Variants in RAB5A observed in about 807,000 individuals in gnomAD.
The protein encoded by RAB5A is ras-related protein Rab-5A.
RAB5A carries 8 observed loss-of-function variants against 25.7 expected under a neutral mutation model. The ratio of observed to expected loss-of-function variants is 0.31; its 90% CI spans 0.18 to 0.56. The LOEUF (loss-of-function observed/expected upper bound fraction) is 0.56. RAB5A is among the 20% of genes least tolerant of loss of function. RAB5A has a pLI of 0.91. For synonymous variants in RAB5A, 98 were observed against 89.8 expected, an observed-to-expected ratio of 1.09 and a Z score of -0.52; for missense variants, 192 against 259.7, an observed-to-expected ratio of 0.74 and a Z score of 1.79.
At chr3:19,969,324 G>A (rs1157035583) in intron 2 of RAB5A, among the ~76,000 whole-genome samples, 4 of 151,976 alleles carry the variant, frequency 2.6e-5, no homozygotes, top group Non-Finnish European at 4.4e-5. Context: ...GATTACAGGC[G>A]TGAGCCACCA....
At chr3:19,957,353 TC>T (rs1696518303) in intron 2 of RAB5A, among the ~76,000 whole-genome samples, 1 of 152,074 alleles carries the variant, frequency 6.6e-6, no homozygotes, top group African/African-American at 2.4e-5. Context: ...ACTGCTAAAT[TC>T]TTAAATGTCC....
intron 2 of RAB5A, among the ~76,000 whole-genome samples, chr3:19,955,883 C>A (rs181183311): frequency 1.3e-5 from 2 of 151,970 alleles, no homozygotes; most frequent in East Asian, 3.9e-4. Flanking sequence ...GGTGTCTCAG[C>A]GAGACTCCGT....
At chr3:19,954,690 C>G (rs1359902088) in intron 2 of RAB5A, among the ~76,000 whole-genome samples, 2 of 152,082 alleles carry the variant, frequency 1.3e-5, no homozygotes, top group African/African-American at 4.8e-5. Flanking sequence ...TGGTGGCACA[C>G]ACCTGTAGTC....
chr3:19,977,211 T>C (rs943799638), intron 4 of RAB5A, among the ~76,000 whole-genome samples: 3 of 152,136 alleles, frequency 2.0e-5, no homozygotes, highest in Non-Finnish European at 4.4e-5. Flanking sequence ...TAGCTGGGAC[T>C]ACAGGCGCCC....
chr3:19,952,450 T>G (rs1696437866), intron 2 of RAB5A, among the ~76,000 whole-genome samples: 1 of 152,232 alleles, frequency 6.6e-6, no homozygotes, highest in Non-Finnish European at 1.5e-5. Flanking sequence ...CCAACTGGCA[T>G]GTGGCAACTT....
intron 2 of RAB5A, among the ~76,000 whole-genome samples, chr3:19,969,840 C>CT (rs1349164228): frequency 3.3e-5 from 5 of 152,162 alleles, no homozygotes; most frequent in African/African-American, 4.8e-5. Flanking sequence ...GAGTCTCACT[C>CT]TGTCACCCAG....
chr3:19,951,750 TGG>T (rs1696427942), intron 2 of RAB5A, among the ~76,000 whole-genome samples: 1 of 146,486 alleles, frequency 6.8e-6, no homozygotes, highest in Non-Finnish European at 1.5e-5. Context: ...GTTTCCAGGT[TGG>T]TCTTGAACTC....
At chr3:19,959,115 G>A (rs1696547500) in intron 2 of RAB5A, among the ~76,000 whole-genome samples, 2 of 152,118 alleles carry the variant, frequency 1.3e-5, no homozygotes, top group African/African-American at 4.8e-5. Context: ...GATGTCCTCT[G>A]GTGCTTTGGA....
intron 2 of RAB5A, among the ~76,000 whole-genome samples, chr3:19,959,009 C>G (rs1696545746): frequency 6.6e-6 from 1 of 152,206 alleles, no homozygotes; most frequent in Admixed American, 6.5e-5. Context: ...TTAAACAATA[C>G]AGTCAATACA....
chr3:19,966,763 A>G (rs535794531), intron 2 of RAB5A, among the ~76,000 whole-genome samples: 3 of 152,250 alleles, frequency 2.0e-5, no homozygotes, highest in African/African-American at 4.8e-5. Context: ...ATGATTGGTG[A>G]TATTGAACAT....
chr3:19,973,543 C>T (rs981813555), intron 2 of RAB5A, among the ~76,000 whole-genome samples: 4 of 151,984 alleles, frequency 2.6e-5, no homozygotes, highest in African/African-American at 9.7e-5. Flanking sequence ...ACAGGAGAAC[C>T]TCTCGTGACC....
intron 2 of RAB5A, among the ~76,000 whole-genome samples, chr3:19,966,078 A>G (rs563127985): frequency 1.3e-5 from 2 of 152,290 alleles, no homozygotes; most frequent in African/African-American, 4.8e-5. Flanking sequence ...AAAATTTACC[A>G]TTTTAACCAT....
rs748433119 is a variant in RAB5A, at chr3:19,956,946, C to CT, written c.163+5902dup. ...TTTGAAAAATTTTGTGTTTTTTTTC[C>CT]TTTTTTTTTTTTTTTTTAAACAGCC... On this transcript the variant is annotated intron_variant, in intron 2 of 5. Coordinates refer to ENST00000273047, the MANE Select transcript of RAB5A (RefSeq NM_004162.5). Among the ~76,000 whole-genome samples the CT allele has an allele frequency of 6.4e-3, 863 of 135,198 alleles. 4 individuals carry two copies. The highest frequency in any genetic ancestry group is 0.017 in the African/African-American group (602 of 36,426). The allele number at this position is 135,198 out of a possible 152,430, so 88.7% of individuals were successfully genotyped here.
intron 2 of RAB5A, among the ~76,000 whole-genome samples, chr3:19,963,543 C>G (rs1363351608): frequency 6.6e-6 from 1 of 151,994 alleles, no homozygotes; most frequent in Non-Finnish European, 1.5e-5. Flanking sequence ...TAATTATATC[C>G]TAGGATTACA....
exon 6 of RAB5A, chr3:19,985,162 GGTATAAAAAGCAA>G: frequency 4.2e-6 from 2 of 480,820 alleles, no homozygotes; most frequent in Non-Finnish European, 7.3e-6. Flanking sequence ...GGAATAAAGT[GGTATAAAAAGCAA>G]GTATCGGCTT....
Position 19,984,011 on chromosome 3 carries a change from C to A in RAB5A, c.*188C>A. 1.8e-6 allele frequency: 1 copy of A among 541,076 alleles called. No homozygotes were observed. Among genetic ancestry groups the A allele is most frequent in the South Asian group, 2.2e-5 (1 of 46,468 alleles). 33.5% of individuals were successfully genotyped at this position (541,076 alleles called of 1,614,324 possible). ...TAATAACATGCATGGGTCCCTCTCA[C>A]TAATGTTTCAACAATAGGGAAAAAT... On this transcript the variant is annotated 3_prime_UTR_variant, in exon 6 of 6. Transcript: ENST00000273047.
chr3:19,950,726 C>T (rs1696410206), intron 1 of RAB5A, 80 bp from the exon 2 acceptor site: 2 of 577,874 alleles, frequency 3.5e-6, no homozygotes, highest in Admixed American at 6.3e-5. Flanking sequence ...GATAATCATG[C>T]TATAGGCAAT....
intron 2 of RAB5A, among the ~76,000 whole-genome samples, chr3:19,960,498 T>A (rs1696569695): frequency 6.6e-6 from 1 of 152,118 alleles, no homozygotes; most frequent in Non-Finnish European, 1.5e-5. Flanking sequence ...ATGGCTATTC[T>A]CCATGTTTCC....
intron 2 of RAB5A, among the ~76,000 whole-genome samples, chr3:19,967,502 A>G (rs7646128): frequency 0.16 from 24,672 of 152,166 alleles, 1,958 homozygotes; most frequent in South Asian, 0.21. Flanking sequence ...AGTTCCTTAC[A>G]TTAATATGTT....
Sources: allele counts gnomAD v4.1 joint callset (sites outside exome capture counted in the v4.1 genomes callset), GRCh38; gene constraint gnomAD v4.1.1; transcripts MANE v1.5; gene names NCBI Gene and HGNC (gene_info 2026-07-23, HGNC 2026-07-21).